SLC4A4: variants seen among roughly 807,000 people sequenced by gnomAD.
SLC4A4 encodes solute carrier family 4 member 4, also known as electrogenic sodium bicarbonate cotransporter 1.
In SLC4A4, 27 loss-of-function variants were observed where a neutral mutation model predicts 111.5. The observed-to-expected ratio is 0.24, with a 90% CI of 0.18 to 0.33. The LOEUF is 0.33. Ranked by LOEUF, SLC4A4 falls within the 10% of genes least tolerant of loss-of-function variation. The probability of loss-of-function intolerance (pLI) is 1.00; values close to 1 mark genes in which losing one functional copy is unlikely to be tolerated. For synonymous variants in SLC4A4, 443 were observed against 463.4 expected, an observed-to-expected ratio of 0.96 and a Z score of 0.57; for missense variants, 909 against 1,315.5, an observed-to-expected ratio of 0.69 and a Z score of 4.78.
At chr4:71,068,062 GTTTTTT>G (rs34542882) in intron 1 of SLC4A4, among the ~76,000 whole-genome samples, 1 of 136,316 alleles carries the variant, frequency 7.3e-6, no homozygotes, top group South Asian at 2.2e-4. Flanking sequence ...TTGAACAAAC[GTTTTTT>G]TTTTTTTTTT....
chr4:71,225,754 G>A (rs1719009211), intron 1 of SLC4A4, among the ~76,000 whole-genome samples: 1 of 152,188 alleles, frequency 6.6e-6, no homozygotes. Context: ...CCTGTGTCCT[G>A]GAACAAACTC....
At chr4:71,136,144 C>G (rs988603955) in intron 2 of SLC4A4, among the ~76,000 whole-genome samples, 1 of 152,212 alleles carries the variant, frequency 6.6e-6, no homozygotes, top group Admixed American at 6.5e-5. Flanking sequence ...GTGTTTACCA[C>G]AAACCCTGTT....
intron 1 of SLC4A4, among the ~76,000 whole-genome samples, chr4:71,209,459 C>CT (rs1363985529): frequency 1.3e-5 from 2 of 152,206 alleles, no homozygotes; most frequent in African/African-American, 4.8e-5. Flanking sequence ...TGAAACCTTT[C>CT]TTTTCTTCTT....
chr4:71,313,633 C>A (rs920195818), intron 3 of SLC4A4, among the ~76,000 whole-genome samples: 1 of 152,158 alleles, frequency 6.6e-6, no homozygotes, highest in Non-Finnish European at 1.5e-5. Flanking sequence ...CTACAGCCAT[C>A]TGATCTTTGA....
chr4:71,528,701 A>G (rs897413466), intron 16 of SLC4A4, among the ~76,000 whole-genome samples: 1 of 152,084 alleles, frequency 6.6e-6, no homozygotes, highest in Non-Finnish European at 1.5e-5. Context: ...AACAATCTAA[A>G]CAGTAGAGTA....
At chr4:71,257,687 A>G (rs1048184432) in intron 3 of SLC4A4, among the ~76,000 whole-genome samples, 5 of 152,152 alleles carry the variant, frequency 3.3e-5, no homozygotes, top group Admixed American at 3.3e-4. Flanking sequence ...TCTGTGACCT[A>G]TGGTGTTTGA....
intron 2 of SLC4A4, among the ~76,000 whole-genome samples, chr4:71,159,132 T>A (rs1578536145): frequency 6.6e-6 from 1 of 152,368 alleles, no homozygotes; most frequent in East Asian, 1.9e-4. Flanking sequence ...CATATCTATA[T>A]CTAGATAATG....
rs781724654 is a variant in SLC4A4 at position 71,471,636 on chromosome 4, G to A, written c.1632-1063G>A. Among the ~76,000 whole-genome samples the A allele has an allele frequency of 4.6e-5, 7 of 151,670 alleles. No individual in the cohort carries two copies. The East Asian group carries it at 5.8e-4, about 13-fold the overall frequency. ...AGTAATACCTACTACCCGCTTTTTC[G>A]TCACAAATAAATAGAGTTTAAAAAA... On this transcript the variant is annotated intron_variant, in intron 13 of 25. Transcript: ENST00000264485.
At chr4:71,070,854 G>A (rs1339864875) in intron 1 of SLC4A4, among the ~76,000 whole-genome samples, 1 of 152,106 alleles carries the variant, frequency 6.6e-6, no homozygotes, top group African/African-American at 2.4e-5. Context: ...CAGCAGTTCT[G>A]GTATGGAACC....
chr4:71,440,234 A>G (rs896584348), intron 7 of SLC4A4, among the ~76,000 whole-genome samples: 50 of 152,212 alleles, frequency 3.3e-4, no homozygotes, highest in African/African-American at 1.2e-3. Context: ...TAAAGAGGGC[A>G]TGTAATTAAT....
At position 71,398,945 on chromosome 4, in the gene SLC4A4, A is replaced by T. The variant is rs571667131; in HGVS notation, c.807+1292A>T. 7.5e-4 allele frequency among the ~76,000 whole-genome samples: 114 copies of T among 152,330 alleles called. 1 individual carries two copies. The highest frequency in any genetic ancestry group is 2.5e-3 in the African/African-American group (103 of 41,572). ...CATATCCGTGGTTTCATATCCATGG[A>T]TTCAACCAACCATGGACAGAATGAA... is the stretch of plus-strand genomic sequence containing the variant. On this transcript the variant is annotated intron_variant, in intron 7 of 25. Transcript: ENST00000264485.
Position 71,171,169 on chromosome 4 carries a change from T to G in SLC4A4, c.-1-65407T>G, listed in dbSNP as rs528831555. On this transcript the variant is annotated intron_variant, in intron 2 of 26. Transcript: ENST00000649996. The stretch of plus-strand genomic sequence containing the variant: ...ATTTTTGTTTGTTTTGTTTTTTTTT[T>G]TTTTTTTAAGAATGGTGGGAGGTTC... Among the ~76,000 whole-genome samples the G allele has an allele frequency of 7.2e-4, 110 of 152,140 alleles. 1 individual carries two copies. In the Middle Eastern group the frequency reaches 0.031, roughly 42 times the overall value.
In SLC4A4 at chr4:71,557,737, T is replaced by C. The variant is rs372090327; in HGVS notation, c.2789T>C (p.Leu930Pro). ...VQFMDRLKLL[L>P]MPLKHQPDFI... is the part of the protein sequence containing the mutation. Reference sequence around the variant, plus strand: ...TTCATGGATCGTCTGAAGCTGCTTCTGATGCCTCTGAAGCATCAGCCTGAC... The same window carrying C: ...TTCATGGATCGTCTGAAGCTGCTTCCGATGCCTCTGAAGCATCAGCCTGAC... Residue 930 changes from leucine to proline, a missense_variant, in exon 22 of 26, where the codon CTG becomes CCG. Physicochemically the swap from Leu to Pro is moderately conservative, Grantham distance 98 (BLOSUM62 -3). This residue lies in a region of SLC4A4 where 104 missense variants were observed against 219.5 expected (regional missense o/e 0.47). Transcript: ENST00000264485. 3 of 1,612,674 alleles carry C rather than the reference T, an allele frequency of 1.9e-6. No individual in the cohort carries two copies. Among genetic ancestry groups the C allele is most frequent in the Non-Finnish European group, 1.7e-6 (2 of 1,179,234 alleles).
chr4:71,341,041 C>T (rs1420066015), intron 4 of SLC4A4, among the ~76,000 whole-genome samples: 1 of 152,112 alleles, frequency 6.6e-6, no homozygotes, highest in South Asian at 2.1e-4. Context: ...TTGTTGGTCT[C>T]TCATTGTCAT....
At chr4:71,165,612 G>T (rs1422860796) in intron 2 of SLC4A4, among the ~76,000 whole-genome samples, 2 of 152,190 alleles carry the variant, frequency 1.3e-5, no homozygotes, top group Admixed American at 1.3e-4. Context: ...TAGATGATGG[G>T]TTGACAGGTG....
rs1355216100 is a variant in SLC4A4 at position 71,453,544 on chromosome 4, G to T, written c.1372G>T (p.Ala458Ser). Reference sequence around the variant, plus strand: ...CATAAAGAGGAAAGCGCCATTTTTTGCCAGTGATTTTTATGATGCTTTAAA... The same window carrying T: ...CATAAAGAGGAAAGCGCCATTTTTTTCCAGTGATTTTTATGATGCTTTAAA... ...KDIKRKAPFF[A>S]SDFYDALNIQ... is the part of the protein sequence containing the mutation. The change falls in exon 12 of 26, where the codon GCC (alanine) becomes TCC (serine). Residue 458 changes from alanine to serine, a missense_variant. By Grantham distance (99) the Ala-to-Ser change is moderately conservative. Coordinates refer to ENST00000264485, the MANE Select transcript of SLC4A4 (RefSeq NM_001098484.3). 1.2e-6 allele frequency: 2 copies of T among 1,613,908 alleles called. No homozygotes were observed. The highest frequency in any genetic ancestry group is 1.7e-6 in the Non-Finnish European group (2 of 1,179,884).
chr4:71,304,439 G>C (rs1052706032), intron 3 of SLC4A4, among the ~76,000 whole-genome samples: 1 of 152,112 alleles, frequency 6.6e-6, no homozygotes, highest in East Asian at 1.9e-4. Flanking sequence ...TCACCTTTCC[G>C]CCATCTTTTT....
At chr4:71,237,050 G>C (rs1719862698) in intron 2 of SLC4A4, among the ~76,000 whole-genome samples, 1 of 152,194 alleles carries the variant, frequency 6.6e-6, no homozygotes, top group African/African-American at 2.4e-5. Flanking sequence ...TAAAGATATA[G>C]ATACTACAGA....
intron 1 of SLC4A4, among the ~76,000 whole-genome samples, chr4:71,199,870 C>T (rs1297992411): frequency 1.3e-5 from 2 of 152,034 alleles, no homozygotes; most frequent in African/African-American, 2.4e-5. Flanking sequence ...AGGCTGGTCT[C>T]GAACCCCTGA....
Sources: gnomAD v4.1 joint callset for allele counts (sites outside exome capture counted in the v4.1 genomes callset) on GRCh38, gnomAD v4.1.1 for gene constraint, gnomAD v4.1.1 regional missense constraint, MANE v1.5 for transcripts, NCBI Gene and HGNC (gene_info 2026-07-23, HGNC 2026-07-21) for gene names.